BLNK: variants seen among roughly 807,000 people sequenced by gnomAD.
BLNK encodes the protein B-cell linker protein.
A neutral mutation model predicts 73.5 loss-of-function variants in BLNK; 29 were observed. That is an observed-to-expected ratio of 0.39 (90% CI 0.29 to 0.54). The LOEUF is 0.54. BLNK is among the 20% of genes least tolerant of loss of function. The pLI, the probability that BLNK is intolerant of heterozygous loss-of-function variation, is 0.61. For synonymous variants in BLNK, 176 were observed against 200.8 expected (o/e 0.88, Z 1.04); for missense variants, 460 against 562.8 (o/e 0.82, Z 1.85).
chr10:96,268,664 G>T (rs1471360722), intron 1 of BLNK, among the ~76,000 whole-genome samples: 1 of 152,088 alleles, frequency 6.6e-6, no homozygotes, highest in East Asian at 1.9e-4. Context: ...TTCATTTTGA[G>T]AATTCCTTGT....
chr10:96,193,731 G>C (rs1266273498), intron 16 of BLNK, among the ~76,000 whole-genome samples: 1 of 152,166 alleles, frequency 6.6e-6, no homozygotes, highest in Non-Finnish European at 1.5e-5. Flanking sequence ...TGTCAAAACT[G>C]TAAAATTACT....
intron 2 of BLNK, among the ~76,000 whole-genome samples, chr10:96,244,109 T>A (rs782527438): frequency 3.3e-5 from 5 of 152,254 alleles, no homozygotes; most frequent in Non-Finnish European, 5.9e-5. Flanking sequence ...AATTCTGGTT[T>A]TCTTTTTCTC....
chr10:96,200,287 G>A lies in BLNK; in HGVS notation c.1012-129C>T. On this transcript the variant is annotated intron_variant, in intron 14 of 16. Transcript: ENST00000224337. This position sits in a 1 kb window ranked among gnomAD's most constrained non-coding sequence, Gnocchi z 4.3. ...ACATTTACACCAATAATTTTAAGAT[G>A]AGTTTTATTTTTCCTTTGATCAAAC... The A allele has an allele frequency of 1.6e-6, 1 of 641,586 alleles. No individual in the cohort carries two copies. 39.7% of individuals were successfully genotyped at this position (641,586 alleles called of 1,614,324 possible). A position where few individuals can be genotyped will look rare whatever the true frequency, so the allele number is the denominator to read the frequency against.
At chr10:96,194,768 A>ATTTTTTTTTTT (rs71034364) in intron 16 of BLNK, among the ~76,000 whole-genome samples, 75 of 110,262 alleles carry the variant, frequency 6.8e-4, no homozygotes, top group African/African-American at 8.6e-4. Context: ...AGAAATGCAA[A>ATTTTTTTTTTT]TTTTTTTTTT....
intron 13 of BLNK, among the ~76,000 whole-genome samples, chr10:96,202,605 T>G (rs1301835869): frequency 3.3e-5 from 5 of 152,046 alleles, no homozygotes; most frequent in African/African-American, 1.2e-4. Context: ...CAGCCACCAT[T>G]GTAAGAGGAG....
At chr10:96,235,268 G>A (rs782234393) in intron 3 of BLNK, among the ~76,000 whole-genome samples, 4 of 152,122 alleles carry the variant, frequency 2.6e-5, no homozygotes, top group African/African-American at 4.8e-5. Flanking sequence ...ATTATTAATC[G>A]TGCTTAGAAG....
intron 6 of BLNK, among the ~76,000 whole-genome samples, chr10:96,222,951 C>G (rs1554901489): frequency 1.3e-5 from 2 of 152,088 alleles, no homozygotes; most frequent in Non-Finnish European, 2.9e-5. Context: ...TTAATTGTCT[C>G]TCTAAAATAA....
At chr10:96,247,216 G>A (rs562062369) in intron 1 of BLNK, among the ~76,000 whole-genome samples, 167 bp from the exon 2 acceptor site, 1 of 152,288 alleles carries the variant, frequency 6.6e-6, no homozygotes, top group African/African-American at 2.4e-5. Flanking sequence ...TGCTACTTTA[G>A]CGAAGGAGAA....
intron 3 of BLNK, among the ~76,000 whole-genome samples, chr10:96,236,240 C>G (rs1275154961): frequency 2.0e-5 from 3 of 152,150 alleles, no homozygotes; most frequent in Admixed American, 6.5e-5. Flanking sequence ...CCGCCAGACC[C>G]TGCCCATCTC....
chr10:96,261,635 A>G (rs373648111), intron 1 of BLNK, among the ~76,000 whole-genome samples: 38 of 152,302 alleles, frequency 2.5e-4, no homozygotes, highest in African/African-American at 9.1e-4. Flanking sequence ...GAGAACTCTG[A>G]CCTTGAACAG....
chr10:96,191,632 T>G lies in BLNK; in HGVS notation c.*341A>C. The G allele has an allele frequency of 4.6e-6, 1 of 218,402 alleles. No homozygotes were observed. Among genetic ancestry groups the G allele is most frequent in the Non-Finnish European group, 9.2e-6 (1 of 109,188 alleles). The allele number at this position is 218,402 out of a possible 1,614,324, so 13.5% of individuals were successfully genotyped here. On this transcript the variant is annotated 3_prime_UTR_variant, in exon 17 of 17. Transcript: ENST00000224337. ...GTGTACCAATGATCATTGTGGAGGT[T>G]TAAATTTCCAGCCACTTTGTTTTAT...
At chr10:96,236,864 C>T (rs1236532890) in intron 3 of BLNK, among the ~76,000 whole-genome samples, 1 of 152,034 alleles carries the variant, frequency 6.6e-6, no homozygotes, top group African/African-American at 2.4e-5. Context: ...CGTAGAAACT[C>T]CCTTTGTCTG....
chr10:96,255,566 C>T (rs782249094), intron 1 of BLNK, among the ~76,000 whole-genome samples: 2 of 151,792 alleles, frequency 1.3e-5, no homozygotes, highest in Non-Finnish European at 2.9e-5. Context: ...CCTGTTTAAT[C>T]TGCATGTAGG....
At chr10:96,239,300 G>A (rs1478721591) in intron 3 of BLNK, 9 of 395,896 alleles carry the variant, frequency 2.3e-5, no homozygotes, top group Non-Finnish European at 4.0e-5. Flanking sequence ...CTGCAGGAGT[G>A]CAGAATAATT....
chr10:96,231,919 G>A (rs868979508), intron 3 of BLNK, among the ~76,000 whole-genome samples: 4 of 152,188 alleles, frequency 2.6e-5, no homozygotes, highest in East Asian at 1.9e-4. Flanking sequence ...AGGAGGTGCC[G>A]TCCTGGGCTC....
chr10:96,235,842 T>C (rs1335003633), intron 3 of BLNK, among the ~76,000 whole-genome samples: 1 of 152,000 alleles, frequency 6.6e-6, no homozygotes, highest in Non-Finnish European at 1.5e-5. Context: ...GCAGAATGAA[T>C]GCGCTGGGCT....
intron 12 of BLNK, 57 bp downstream of exon 12, chr10:96,204,475 C>G (rs1219020372): frequency 6.4e-7 from 1 of 1,551,186 alleles, no homozygotes; most frequent in Non-Finnish European, 8.9e-7. Context: ...AAACAATGCA[C>G]ATGTTAATTC....
At chr10:96,244,863 A>G (rs1842992520) in intron 2 of BLNK, among the ~76,000 whole-genome samples, 1 of 152,108 alleles carries the variant, frequency 6.6e-6, no homozygotes, top group Admixed American at 6.6e-5. Flanking sequence ...CAGAGGCTTC[A>G]TGTTATTGAG....
rs1249844745 is a variant in BLNK, at chr10:96,190,013, T to A, written c.*1960A>T. ...AGGTGCCAGTGTTATTTAATTGGAC[T>A]GCCTTCATAATTCATTGCCTCTGCT... On this transcript the variant is annotated 3_prime_UTR_variant, in exon 17 of 17. Coordinates refer to ENST00000224337, the MANE Select transcript of BLNK (RefSeq NM_013314.4). The A allele has an allele frequency of 2.5e-6, 2 of 808,244 alleles. No homozygotes were observed. Among genetic ancestry groups the A allele is most frequent in the African/African-American group, 3.3e-5 (2 of 59,912 alleles). 50.1% of individuals were successfully genotyped at this position (808,244 alleles called of 1,614,324 possible). A position where few individuals can be genotyped will look rare whatever the true frequency, so the allele number is the denominator to read the frequency against.
Sources: gnomAD v4.1 joint callset for allele counts (sites outside exome capture counted in the v4.1 genomes callset) on GRCh38, gnomAD v4.1.1 for gene constraint, Gnocchi (gnomAD v3.1) non-coding constraint, MANE v1.5 for transcripts, NCBI Gene and HGNC (gene_info 2026-07-23, HGNC 2026-07-21) for gene names.